The following NSUN3 variants were observed in gnomAD, a reference collection of about 807,000 sequenced individuals.
NSUN3 encodes the protein tRNA (cytosine(34)-C(5))-methyltransferase, mitochondrial.
A neutral mutation model predicts 36.8 loss-of-function variants in NSUN3; 24 were observed. The observed-to-expected ratio is 0.65, with a 90% CI of 0.47 to 0.92. NSUN3 has a LOEUF of 0.92. NSUN3 is among the 40% of genes least tolerant of loss of function. NSUN3 has a pLI of 0.00. For synonymous variants in NSUN3, 146 were observed against 145.2 expected, an observed-to-expected ratio of 1.01 and a Z score of -0.04; for missense variants, 381 against 392.8, an observed-to-expected ratio of 0.97 and a Z score of 0.25.
rs1485871923 is a variant in NSUN3, at chr3:94,128,468, T to C, written c.*1978T>C. On this transcript the variant is annotated 3_prime_UTR_variant, in exon 6 of 6. Coordinates refer to ENST00000314622, the MANE Select transcript of NSUN3 (RefSeq NM_022072.5). Reference sequence around the variant, plus strand: ...CTGTACTTTGTTAAATGTCGGTATTTTCCCAGTATAATGCGATGAAGCTTA... The same window carrying C: ...CTGTACTTTGTTAAATGTCGGTATTCTCCCAGTATAATGCGATGAAGCTTA... 4 of 151,824 alleles carry C rather than the reference T, an allele frequency of 2.6e-5. No homozygotes were observed. Among genetic ancestry groups the C allele is most frequent in the Admixed American group, 2.6e-4 (4 of 15,228 alleles). The allele number at this position is 151,824 out of a possible 1,614,324, so 9.4% of individuals were successfully genotyped here.
At chr3:94,105,426 C>CTAAA (rs1560038510) in intron 5 of NSUN3, among the ~76,000 whole-genome samples, 1 of 152,212 alleles carries the variant, frequency 6.6e-6, no homozygotes, top group Non-Finnish European at 1.5e-5. Context: ...AATGGAGTCA[C>CTAAA]TAAAATGCCT....
At chr3:94,092,919 CAAAAAAAAAAAAAA>C (rs1161530879) in intron 3 of NSUN3, among the ~76,000 whole-genome samples, 1 of 24,638 alleles carries the variant, frequency 4.1e-5, no homozygotes, top group Admixed American at 7.7e-4. Flanking sequence ...GACTGCATCT[CAAAAAAAAAAAAAA>C]AAAAAAAAAA....
At chr3:94,116,604 ATAAC>A (rs199749932) in intron 5 of NSUN3, among the ~76,000 whole-genome samples, 1,578 of 152,314 alleles carry the variant, frequency 0.01, 33 homozygotes, top group African/African-American at 0.036. Flanking sequence ...CTTTTATTGG[ATAAC>A]TAACTATGTG....
intron 3 of NSUN3, among the ~76,000 whole-genome samples, chr3:94,088,271 T>G (rs925768331): frequency 1.3e-5 from 2 of 152,240 alleles, no homozygotes; most frequent in African/African-American, 2.4e-5. Flanking sequence ...TCACATTGCT[T>G]AAACCTCTGC....
rs1576107038 is a variant in NSUN3, at chr3:94,129,727, G to C, written c.*3237G>C. Among the ~76,000 whole-genome samples the C allele has an allele frequency of 7.5e-6, 1 of 132,542 alleles. No individual in the cohort carries two copies. Among genetic ancestry groups the C allele is most frequent in the African/African-American group, 2.8e-5 (1 of 36,074 alleles). 87.0% of individuals were successfully genotyped at this position (132,542 alleles called of 152,430 possible). The stretch of plus-strand genomic sequence containing the variant: ...TTGAGCATTGAATATTCTATAAATT[G>C]TTTATATATGTTGTCTTTTTTTTTT... On this transcript the variant is annotated 3_prime_UTR_variant, in exon 6 of 6. Coordinates refer to ENST00000314622, the MANE Select transcript of NSUN3 (RefSeq NM_022072.5).
At chr3:94,088,151 A>G (rs1375196386) in intron 3 of NSUN3, among the ~76,000 whole-genome samples, 1 of 151,906 alleles carries the variant, frequency 6.6e-6, no homozygotes, top group Non-Finnish European at 1.5e-5. Flanking sequence ...TCAGGATTTA[A>G]TTTTCCTGGA....
At chr3:94,092,919 C>CAAAAAAAAAAAAAAAAA (rs1161530879) in intron 3 of NSUN3, among the ~76,000 whole-genome samples, 2 of 24,638 alleles carry the variant, frequency 8.1e-5, no homozygotes, top group Non-Finnish European at 1.4e-4. Flanking sequence ...GACTGCATCT[C>CAAAAAAAAAAAAAAAAA]AAAAAAAAAA....
chr3:94,093,358 T>G (rs547699925), intron 3 of NSUN3, among the ~76,000 whole-genome samples: 8 of 151,070 alleles, frequency 5.3e-5, no homozygotes, highest in African/African-American at 1.9e-4. Flanking sequence ...TATGTATGTA[T>G]GTATTTGAGC....
At position 94,129,881 on chromosome 3, in the gene NSUN3, T is replaced by C. The variant is rs1437585397; in HGVS notation, c.*3391T>C. Reference sequence around the variant, plus strand: ...CAGTTTTCTGCCTCAGCCTCCCAAGTAACTGAGATCACAGGCACCCGCCAC... The same window carrying C: ...CAGTTTTCTGCCTCAGCCTCCCAAGCAACTGAGATCACAGGCACCCGCCAC... On this transcript the variant is annotated 3_prime_UTR_variant, in exon 6 of 6. Coordinates refer to ENST00000314622, the MANE Select transcript of NSUN3 (RefSeq NM_022072.5). Among the ~76,000 whole-genome samples the C allele has an allele frequency of 6.6e-6, 1 of 150,728 alleles. No individual in the cohort carries two copies. Among genetic ancestry groups the C allele is most frequent in the Non-Finnish European group, 1.5e-5 (1 of 67,790 alleles).
At chr3:94,115,050 C>G (rs2077433824) in intron 5 of NSUN3, among the ~76,000 whole-genome samples, 1 of 151,972 alleles carries the variant, frequency 6.6e-6, no homozygotes, top group Non-Finnish European at 1.5e-5. Context: ...AGCAACTTAC[C>G]TTTTTGGTTT....
At chr3:94,073,661 G>C (rs575923370) in intron 2 of NSUN3, among the ~76,000 whole-genome samples, 2 of 152,062 alleles carry the variant, frequency 1.3e-5, no homozygotes, top group East Asian at 3.9e-4. Flanking sequence ...TTTTTTTCTC[G>C]TAAATTTGTT....
chr3:94,074,444 G>A (rs2077238368), intron 2 of NSUN3, among the ~76,000 whole-genome samples: 1 of 152,090 alleles, frequency 6.6e-6, no homozygotes, highest in South Asian at 2.1e-4. Flanking sequence ...GAGCATGGAA[G>A]TATTTTCCAT....
intron 5 of NSUN3, among the ~76,000 whole-genome samples, chr3:94,095,680 C>T (rs1043821211): frequency 3.9e-5 from 6 of 152,028 alleles, no homozygotes; most frequent in African/African-American, 1.4e-4. Flanking sequence ...GTTCCAACAG[C>T]GATTTTGACA....
At chr3:94,122,707 G>T (rs902016330) in intron 5 of NSUN3, among the ~76,000 whole-genome samples, 1 of 151,938 alleles carries the variant, frequency 6.6e-6, no homozygotes, top group Non-Finnish European at 1.5e-5. Context: ...AGAGGCAAAT[G>T]TCTTTTGCCT....
intron 5 of NSUN3, among the ~76,000 whole-genome samples, chr3:94,099,402 A>G (rs2077355928): frequency 6.6e-6 from 1 of 152,142 alleles, no homozygotes; most frequent in African/African-American, 2.4e-5. Flanking sequence ...ACTTCCCTAA[A>G]GGAATGGTTT....
chr3:94,122,151 T>TAA (rs753343062), intron 5 of NSUN3, among the ~76,000 whole-genome samples: 140 of 56,984 alleles, frequency 2.5e-3, no homozygotes, highest in African/African-American at 5.7e-3. Flanking sequence ...TCCCCCCACC[T>TAA]AAAAAAAAAA....
At chr3:94,077,217 A>C (rs1485533298) in intron 2 of NSUN3, 1 of 661,332 alleles carries the variant, frequency 1.5e-6, no homozygotes, top group Non-Finnish European at 2.8e-6. Context: ...CGGGTGTTGC[A>C]GGAGGGGCAG....
chr3:94,089,712 GATT>G (rs917312358), intron 3 of NSUN3, among the ~76,000 whole-genome samples: 9 of 152,192 alleles, frequency 5.9e-5, no homozygotes, highest in African/African-American at 2.2e-4. Context: ...AAAGTCATAG[GATT>G]AAGGTTAAAT....
chr3:94,103,560 A>T (rs2077374334), intron 5 of NSUN3, among the ~76,000 whole-genome samples: 1 of 151,798 alleles, frequency 6.6e-6, no homozygotes. Flanking sequence ...TATATATACT[A>T]TGTAGAGTAA....
Sources: allele counts gnomAD v4.1 joint callset (sites outside exome capture counted in the v4.1 genomes callset), GRCh38; gene constraint gnomAD v4.1.1; transcripts MANE v1.5; gene names NCBI Gene and HGNC (gene_info 2026-07-23, HGNC 2026-07-21).